Variants in REL observed in about 807,000 individuals in gnomAD.
REL encodes the protein REL proto-oncogene, NF-kB subunit, also known as proto-oncogene c-Rel.
In REL, 15 loss-of-function variants were observed where a neutral mutation model predicts 45.9. That is an observed-to-expected ratio of 0.33 (90% CI 0.22 to 0.50). The LOEUF is 0.50. Ranked by LOEUF, REL falls within the 20% of genes least tolerant of loss-of-function variation. The pLI is 0.98. For missense variants in REL, 601 were observed against 715.2 expected, an observed-to-expected ratio of 0.84 and a Z score of 1.82; for synonymous variants, 239 against 242.1, an observed-to-expected ratio of 0.99 and a Z score of 0.12.
intron 1 of REL, among the ~76,000 whole-genome samples, chr2:60,883,719 AT>A (rs1167109859): frequency 6.6e-6 from 1 of 152,168 alleles, no homozygotes; most frequent in Non-Finnish European, 1.5e-5. Context: ...ATTTGATACA[AT>A]TTAAATTTGT....
At chr2:60,907,538 G>A (rs1346518818) in intron 4 of REL, among the ~76,000 whole-genome samples, 1 of 151,996 alleles carries the variant, frequency 6.6e-6, no homozygotes, top group African/African-American at 2.4e-5. Context: ...CAGAGGCTGA[G>A]GTAGGAGGAT....
chr2:60,881,942 G>T (rs1053210316), intron 1 of REL, 92 bp downstream of exon 1: 8 of 840,340 alleles, frequency 9.5e-6, no homozygotes, highest in Non-Finnish European at 1.2e-5. Context: ...CTCAGTTTTT[G>T]CTGGGGCGCG....
chr2:60,916,979 C>T lies in REL; in HGVS notation c.497C>T (p.Ala166Val). The T allele has an allele frequency of 1.9e-6, 3 of 1,613,392 alleles. No individual in the cohort carries two copies. Among genetic ancestry groups the T allele is most frequent in the Non-Finnish European group, 2.5e-6 (3 of 1,179,580 alleles). Reference sequence around the variant, plus strand: ...GATGAACATGGTAATTTGACGACTGCTCTTCCTCCTGTTGTCTCGAACCCA... The same window carrying T: ...GATGAACATGGTAATTTGACGACTGTTCTTCCTCCTGTTGTCTCGAACCCA... The part of the protein sequence containing the change: ...LPDEHGNLTT[A>V]LPPVVSNPIY... Residue 166 changes from alanine (A) to valine (V), a missense_variant, in exon 5 of 10, where the codon GCT becomes GTT. Physicochemically the swap from Ala to Val is moderately conservative, Grantham distance 64. Transcript: ENST00000394479.
chr2:60,896,692 A>G (rs2103937877), intron 3 of REL, among the ~76,000 whole-genome samples: 1 of 152,342 alleles, frequency 6.6e-6, no homozygotes, highest in Non-Finnish European at 1.5e-5. Flanking sequence ...ACAACATTTT[A>G]CACTGTGATC....
In REL at chr2:60,922,334, T is replaced by A. The variant is rs138267391; in HGVS notation, c.1563T>A (p.Thr521=). The change falls in exon 10 of 10, where the codon ACT becomes ACA. Residue 521 remains threonine (T), a synonymous_variant. Coordinates refer to ENST00000394479, the MANE Select transcript of REL (RefSeq NM_001291746.2). ...CAGCAGGCGCCAATTCCAATACTACTGTTTTTGTTTCACAATCAGATGCAT... is the reference window on the plus strand; with the variant it reads ...CAGCAGGCGCCAATTCCAATACTACAGTTTTTGTTTCACAATCAGATGCAT... ...SMSAGANSNT[T]VFVSQSDAFE... 4 of 1,614,164 alleles carry A rather than the reference T, an allele frequency of 2.5e-6. No individual in the cohort carries two copies. In the African/African-American group the frequency reaches 5.3e-5, roughly 22 times the overall value.
At chr2:60,903,205 G>A (rs563892010) in intron 4 of REL, among the ~76,000 whole-genome samples, 8 of 152,278 alleles carry the variant, frequency 5.3e-5, no homozygotes, top group African/African-American at 1.9e-4. Flanking sequence ...TTATTTAATC[G>A]TTGGAACAAT....
intron 4 of REL, among the ~76,000 whole-genome samples, chr2:60,906,112 A>T (rs1372789599): frequency 6.6e-6 from 1 of 152,158 alleles, no homozygotes; most frequent in African/African-American, 2.4e-5. Flanking sequence ...CCCTGATAAA[A>T]CCATCATATC....
Position 60,922,121 on chromosome 2 carries a change from A to G in REL, c.1350A>G (p.Leu450=). 6.2e-7 allele frequency: 1 copy of G among 1,614,182 alleles called. No individual in the cohort carries two copies. Among genetic ancestry groups the G allele is most frequent in the Non-Finnish European group, 8.5e-7 (1 of 1,180,022 alleles). The change falls in exon 10 of 10, where the codon TTA becomes TTG. Residue 450 remains leucine (L), a synonymous_variant. Coordinates refer to ENST00000394479, the MANE Select transcript of REL (RefSeq NM_001291746.2). ...CGTCATCCATGCCATCAGCAGATTTATATGGTATTTCTGATCCCAACATGC... is the reference window on the plus strand; with the variant it reads ...CGTCATCCATGCCATCAGCAGATTTGTATGGTATTTCTGATCCCAACATGC... ...MEASSMPSAD[L]YGISDPNMLS... is the part of the protein sequence containing the mutation.
intron 9 of REL, 110 bp from the exon 10 acceptor site, chr2:60,921,653 C>A: frequency 1.1e-6 from 1 of 922,476 alleles, no homozygotes; most frequent in Non-Finnish European, 1.6e-6. Context: ...CATTGGTTTC[C>A]TTGACATTTT....
intron 1 of REL, among the ~76,000 whole-genome samples, chr2:60,886,421 T>C (rs1673073272): frequency 1.3e-5 from 2 of 152,182 alleles, no homozygotes; most frequent in South Asian, 4.1e-4. Flanking sequence ...TACCTCCAGT[T>C]GCTTTTATGC....
intron 8 of REL, 93 bp from the exon 9 acceptor site, chr2:60,920,480 TG>T: frequency 1.1e-6 from 1 of 927,378 alleles, no homozygotes; most frequent in Non-Finnish European, 1.8e-6. Context: ...GGATTACAGG[TG>T]GGAGCCACCA....
In REL at chr2:60,921,793, T is replaced by G. The variant is rs1450409552; in HGVS notation, c.1022T>G (p.Val341Gly). 6.2e-7 allele frequency: 1 copy of G among 1,613,334 alleles called. No homozygotes were observed. The highest frequency in any genetic ancestry group is 8.5e-7 in the Non-Finnish European group (1 of 1,179,436). The change falls in exon 10 of 10, where the codon GTG (valine) becomes GGG (glycine). Residue 341 changes from valine (V) to glycine (G), a missense_variant. By Grantham distance (109) the Val-to-Gly change is moderately radical. Transcript: ENST00000394479. ...AACTTGTTTTCTCATGATGCAGTTG[T>G]GAGAGAAATGCCTACAGGGGTTTCA... ...EPNLFSHDAVVREMPTGVSSQ... is the reference protein window; with the variant it reads ...EPNLFSHDAVGREMPTGVSSQ...
At position 60,898,480 on chromosome 2, in the gene REL, T is replaced by C. The variant is rs183960511; in HGVS notation, c.303-2512T>C. ...GTGGCCTGTTCCTTTTGCCTGGAAG[T>C]GTTTTTCTTCTGTTCCAGCATAGGC... On this transcript the variant is annotated intron_variant, in intron 3 of 9. Coordinates refer to ENST00000394479, the MANE Select transcript of REL (RefSeq NM_001291746.2). 8.5e-5 allele frequency among the ~76,000 whole-genome samples: 13 copies of C among 152,370 alleles called. No individual in the cohort carries two copies. The East Asian group carries it at 2.5e-3, about 29-fold the overall frequency.
chr2:60,894,003 C>G (rs1207794277), intron 2 of REL, among the ~76,000 whole-genome samples: 5 of 152,242 alleles, frequency 3.3e-5, no homozygotes, highest in African/African-American at 1.2e-4. Context: ...TATGTGCTAT[C>G]CTTTCCAATA....
At chr2:60,882,692 A>T (rs1183341690) in intron 1 of REL, among the ~76,000 whole-genome samples, 2 of 152,000 alleles carry the variant, frequency 1.3e-5, no homozygotes, top group Non-Finnish European at 2.9e-5. Context: ...AAAAAAAAAA[A>T]ATGTAGTTTT....
chr2:60,924,263 C>G lies in REL; in HGVS notation c.*1728C>G, dbSNP rs963084244. 8.9e-6 allele frequency: 2 copies of G among 225,410 alleles called. No homozygotes were observed. Among genetic ancestry groups the G allele is most frequent in the African/African-American group, 4.5e-5 (2 of 44,928 alleles). The allele number at this position is 225,410 out of a possible 1,614,324, so 14.0% of individuals were successfully genotyped here. Reference sequence around the variant, plus strand: ...ACTTTACTAAGTATTTATTCATTTACTGTTTGTTTTCCCATACCGAAATAT... The same window carrying G: ...ACTTTACTAAGTATTTATTCATTTAGTGTTTGTTTTCCCATACCGAAATAT... On this transcript the variant is annotated 3_prime_UTR_variant, in exon 10 of 10. Transcript: ENST00000394479.
intron 2 of REL, 62 bp from the exon 3 acceptor site, chr2:60,894,331 CATTT>C: frequency 1.1e-6 from 1 of 931,734 alleles, no homozygotes; most frequent in East Asian, 2.9e-5. Flanking sequence ...ATTGAATTCT[CATTT>C]AGTAGATCAG....
At chr2:60,894,740 ATAGT>A (rs1356882997) in intron 3 of REL, among the ~76,000 whole-genome samples, 195 bp downstream of exon 3, 4 of 151,886 alleles carry the variant, frequency 2.6e-5, no homozygotes, top group African/African-American at 4.8e-5. Flanking sequence ...ACATCTTATG[ATAGT>A]TAGCAGGAAG....
intron 4 of REL, among the ~76,000 whole-genome samples, chr2:60,907,711 T>C (rs1558806752): frequency 6.6e-6 from 1 of 151,664 alleles, no homozygotes; most frequent in Non-Finnish European, 1.5e-5. Context: ...TTTTTTTTTT[T>C]ACGGAGTCTC....
Sources: allele counts gnomAD v4.1 joint callset (sites outside exome capture counted in the v4.1 genomes callset), GRCh38; gene constraint gnomAD v4.1.1; transcripts MANE v1.5; gene names NCBI Gene and HGNC (gene_info 2026-07-23, HGNC 2026-07-21).